The following EPHA3 variants were observed in gnomAD, a reference collection of about 807,000 sequenced individuals.
EPHA3 encodes EPH receptor A3.
EPHA3 carries 42 observed loss-of-function variants against 107.1 expected under a neutral mutation model. That is an observed-to-expected ratio of 0.39 (90% confidence interval 0.31 to 0.51). The LOEUF (loss-of-function observed/expected upper bound fraction) is 0.51. Ranked by LOEUF, EPHA3 falls within the 20% of genes least tolerant of loss-of-function variation. The pLI, the probability that EPHA3 is intolerant of heterozygous loss-of-function variation, is 0.78. For synonymous variants in EPHA3, 461 were observed against 424.8 expected (o/e 1.09, Z -1.05); for missense variants, 1,183 against 1,211.2 (o/e 0.98, Z 0.35).
chr3:89,379,105 C>T (rs1708453853), intron 5 of EPHA3, among the ~76,000 whole-genome samples: 1 of 152,196 alleles, frequency 6.6e-6, no homozygotes, highest in South Asian at 2.1e-4. Context: ...TAATCTGTCT[C>T]TGCAATTTCC....
intron 3 of EPHA3, among the ~76,000 whole-genome samples, chr3:89,264,567 C>T (rs1376820367): frequency 6.6e-6 from 1 of 152,052 alleles, no homozygotes; most frequent in East Asian, 1.9e-4. Context: ...ATCATATAAA[C>T]GTTCATTCTT....
At chr3:89,322,369 C>T (rs1227207643) in intron 3 of EPHA3, among the ~76,000 whole-genome samples, 2 of 152,054 alleles carry the variant, frequency 1.3e-5, no homozygotes, top group African/African-American at 4.8e-5. Flanking sequence ...GCTAGAAAAA[C>T]TATGAGACAG....
At chr3:89,245,355 T>G (rs1705006404) in intron 3 of EPHA3, among the ~76,000 whole-genome samples, 1 of 152,208 alleles carries the variant, frequency 6.6e-6, no homozygotes, top group Non-Finnish European at 1.5e-5. Context: ...AGTGATTTGT[T>G]TTTCTTTTAA....
At chr3:89,451,817 G>A (rs78615414) in intron 15 of EPHA3, among the ~76,000 whole-genome samples, 1,541 of 152,026 alleles carry the variant, frequency 0.01, 20 homozygotes, top group African/African-American at 0.031. Flanking sequence ...TAAAGCTGGC[G>A]TTCAATGCAT....
chr3:89,218,434 G>T (rs764252491), intron 3 of EPHA3, among the ~76,000 whole-genome samples: 6 of 151,798 alleles, frequency 4.0e-5, no homozygotes, highest in Non-Finnish European at 5.9e-5. Context: ...ATGGTTTCCA[G>T]CTTCATCCAT....
chr3:89,204,296 T>A (rs1367887339), intron 2 of EPHA3, among the ~76,000 whole-genome samples: 1 of 152,128 alleles, frequency 6.6e-6, no homozygotes, highest in Non-Finnish European at 1.5e-5. Context: ...GGTGGTTGGG[T>A]ATGAATAGTA....
intron 2 of EPHA3, among the ~76,000 whole-genome samples, chr3:89,203,345 CAAAACA>C (rs1418725106): frequency 1.1e-4 from 15 of 139,506 alleles, no homozygotes; most frequent in Non-Finnish European, 2.2e-4. Context: ...CAAAACAAAA[CAAAACA>C]AAAAAAAAAT....
At chr3:89,152,328 T>C (rs1225109415) in intron 2 of EPHA3, among the ~76,000 whole-genome samples, 2 of 152,076 alleles carry the variant, frequency 1.3e-5, no homozygotes, top group Non-Finnish European at 1.5e-5. Flanking sequence ...TAAAACGACC[T>C]CCTCATGCTG....
intron 13 of EPHA3, among the ~76,000 whole-genome samples, chr3:89,438,552 A>G (rs1232025045): frequency 6.6e-6 from 1 of 152,218 alleles, no homozygotes; most frequent in Non-Finnish European, 1.5e-5. Flanking sequence ...TTGTTCTGTA[A>G]CATTTTCAAG....
At chr3:89,268,462 A>C (rs1705587921) in intron 3 of EPHA3, among the ~76,000 whole-genome samples, 1 of 152,168 alleles carries the variant, frequency 6.6e-6, no homozygotes, top group Admixed American at 6.6e-5. Context: ...GGATACTTCA[A>C]GTTTCTAAAA....
chr3:89,187,316 A>G (rs1705590273), intron 2 of EPHA3, among the ~76,000 whole-genome samples: 1 of 148,702 alleles, frequency 6.7e-6, no homozygotes, highest in South Asian at 2.1e-4. Flanking sequence ...ATTTATTAGT[A>G]TTCATTAATA....
At chr3:89,169,268 T>G (rs1705156150) in intron 2 of EPHA3, among the ~76,000 whole-genome samples, 1 of 152,178 alleles carries the variant, frequency 6.6e-6, no homozygotes, top group Admixed American at 6.5e-5. Flanking sequence ...TTTAAAAGGT[T>G]AGTTAGGGCA....
chr3:89,221,953 A>G lies in EPHA3; in HGVS notation c.814+11433A>G, dbSNP rs1298627618. Among the ~76,000 whole-genome samples, 2 of 152,154 alleles carry G rather than the reference A, an allele frequency of 1.3e-5. 1 individual carries two copies. The highest frequency in any genetic ancestry group is 4.1e-4 in the South Asian group (2 of 4,824). On this transcript the variant is annotated intron_variant, in intron 3 of 16. Coordinates refer to ENST00000336596, the MANE Select transcript of EPHA3 (RefSeq NM_005233.6). ...GCAATGGTGGTATAAAAAGGCAAAA[A>G]CCTCATATTAATTAGCATAACATCT...
At chr3:89,325,848 C>T (rs1707152781) in intron 3 of EPHA3, among the ~76,000 whole-genome samples, 1 of 151,286 alleles carries the variant, frequency 6.6e-6, no homozygotes, top group Non-Finnish European at 1.5e-5. Flanking sequence ...AAAAAGTTTC[C>T]TTAGTAAATG....
intron 5 of EPHA3, among the ~76,000 whole-genome samples, chr3:89,381,660 C>A: frequency 6.6e-6 from 1 of 151,382 alleles, no homozygotes; most frequent in Admixed American, 6.6e-5. Context: ...CGGAGTGAGA[C>A]TTTGTCTCAA....
intron 1 of EPHA3, among the ~76,000 whole-genome samples, chr3:89,121,749 C>T (rs974072102): frequency 1.6e-5 from 1 of 63,244 alleles, no homozygotes; most frequent in African/African-American, 6.2e-5. Flanking sequence ...CAGGGAGACC[C>T]CGTCTCAAAA....
intron 5 of EPHA3, among the ~76,000 whole-genome samples, chr3:89,394,166 T>A (rs116069025): frequency 0.018 from 2,728 of 152,250 alleles, 87 homozygotes; most frequent in African/African-American, 0.062. Context: ...ATTCTAGCAC[T>A]TTGGGAGGCC....
chr3:89,282,879 T>A (rs893891274), intron 3 of EPHA3, among the ~76,000 whole-genome samples: 2 of 152,160 alleles, frequency 1.3e-5, no homozygotes, highest in East Asian at 3.8e-4. Context: ...ATTTTGATCA[T>A]GTTAACTGAA....
intron 3 of EPHA3, among the ~76,000 whole-genome samples, chr3:89,251,223 A>AAAACTAG (rs1705159075): frequency 1.3e-5 from 2 of 152,132 alleles, no homozygotes; most frequent in Non-Finnish European, 2.9e-5. Context: ...TTCCAGAATA[A>AAAACTAG]AAAACAAACT....
Sources: allele counts gnomAD v4.1 joint callset (sites outside exome capture counted in the v4.1 genomes callset), GRCh38; gene constraint gnomAD v4.1.1; transcripts MANE v1.5; gene names NCBI Gene and HGNC (gene_info 2026-07-23, HGNC 2026-07-21).